Variants in PRKG1 observed in about 807,000 individuals in gnomAD.
The protein encoded by PRKG1 is protein kinase cGMP-dependent 1.
A neutral mutation model predicts 88.1 loss-of-function variants in PRKG1; 35 were observed. The ratio of observed to expected loss-of-function variants is 0.40; its 90% CI spans 0.30 to 0.53. The LOEUF (loss-of-function observed/expected upper bound fraction) is 0.53, where lower values mean the gene tolerates loss of function less well. Ranked by LOEUF, PRKG1 falls within the 20% of genes least tolerant of loss-of-function variation. The pLI is 0.59. For synonymous variants in PRKG1, 303 were observed against 292.5 expected (o/e 1.04, Z -0.37); for missense variants, 540 against 839.8 (o/e 0.64, Z 4.41).
At chr10:51,941,578 A>G (rs955329383) in intron 5 of PRKG1, among the ~76,000 whole-genome samples, 2 of 151,368 alleles carry the variant, frequency 1.3e-5, no homozygotes, top group Non-Finnish European at 2.9e-5. Flanking sequence ...CATTAGGTAT[A>G]TCTCCTAAAT....
chr10:51,022,543 A>G (rs1843152623), intron 1 of PRKG1, among the ~76,000 whole-genome samples: 1 of 152,056 alleles, frequency 6.6e-6, no homozygotes, highest in Non-Finnish European at 1.5e-5. Context: ...GCTTTTCCCA[A>G]AGATGGGAAA....
chr10:51,130,224 A>G (rs1265370646), intron 1 of PRKG1, among the ~76,000 whole-genome samples: 2 of 152,174 alleles, frequency 1.3e-5, no homozygotes, highest in South Asian at 2.1e-4. Flanking sequence ...CTAACAGAGA[A>G]GTTAGAGAAT....
At chr10:51,313,165 A>G (rs1261610830) in intron 2 of PRKG1, among the ~76,000 whole-genome samples, 2 of 152,010 alleles carry the variant, frequency 1.3e-5, no homozygotes, top group Non-Finnish European at 1.5e-5. Flanking sequence ...ATTCTGGATT[A>G]AATTTTAATT....
At chr10:51,338,767 T>A (rs1841936909) in intron 2 of PRKG1, among the ~76,000 whole-genome samples, 1 of 152,218 alleles carries the variant, frequency 6.6e-6, no homozygotes, top group Admixed American at 6.5e-5. Context: ...ATGATTCAAT[T>A]AGATTGTACA....
intron 7 of PRKG1, among the ~76,000 whole-genome samples, chr10:52,113,564 G>A (rs1242853910): frequency 6.6e-6 from 1 of 152,066 alleles, no homozygotes; most frequent in Non-Finnish European, 1.5e-5. Context: ...AGAAAATAGC[G>A]CAGCAGATAT....
chr10:51,470,017 T>C (rs1467377932), intron 3 of PRKG1, among the ~76,000 whole-genome samples: 1 of 151,874 alleles, frequency 6.6e-6, no homozygotes, highest in Non-Finnish European at 1.5e-5. Context: ...TCTAGGGAGA[T>C]TGTACTTGTG....
At chr10:51,161,987 C>G (rs766293810) in intron 2 of PRKG1, among the ~76,000 whole-genome samples, 3 of 152,212 alleles carry the variant, frequency 2.0e-5, no homozygotes, top group Non-Finnish European at 2.9e-5. Flanking sequence ...CTGAACACTT[C>G]ACACAATCTA....
chr10:51,345,659 G>A (rs1157288224), intron 2 of PRKG1, among the ~76,000 whole-genome samples: 1 of 152,188 alleles, frequency 6.6e-6, no homozygotes. Flanking sequence ...AAACAGGCAA[G>A]GAAGGGAAAT....
chr10:51,901,372 A>G (rs1841975002), intron 4 of PRKG1, among the ~76,000 whole-genome samples: 1 of 152,236 alleles, frequency 6.6e-6, no homozygotes, highest in Non-Finnish European at 1.5e-5. Flanking sequence ...AAGCAAAAGT[A>G]CAATTGTGCA....
chr10:51,168,913 G>T (rs534022970), intron 2 of PRKG1, among the ~76,000 whole-genome samples: 144 of 152,084 alleles, frequency 9.5e-4, no homozygotes, highest in Non-Finnish European at 1.8e-3. Context: ...AGTATGAAAG[G>T]TATCCTTGAT....
intron 9 of PRKG1, among the ~76,000 whole-genome samples, chr10:52,163,762 C>T (rs1838349281): frequency 1.3e-5 from 2 of 152,068 alleles, no homozygotes; most frequent in Admixed American, 6.5e-5. Flanking sequence ...CTTGCACATA[C>T]TTCAATTAAA....
chr10:51,214,875 A>C (rs966222211), intron 2 of PRKG1, among the ~76,000 whole-genome samples: 2 of 152,142 alleles, frequency 1.3e-5, no homozygotes. Flanking sequence ...CCTCTGCCCA[A>C]TATCTTTACA....
At chr10:52,224,836 T>TATATATATACACATACATAC (rs1457134141) in intron 9 of PRKG1, among the ~76,000 whole-genome samples, 9 of 89,886 alleles carry the variant, frequency 1.0e-4, no homozygotes, top group African/African-American at 3.3e-4. Context: ...TATATATATA[T>TATATATATACACATACATAC]ATACATACAT....
chr10:52,110,178 C>T (rs1224278595), intron 7 of PRKG1, among the ~76,000 whole-genome samples: 1 of 151,816 alleles, frequency 6.6e-6, no homozygotes, highest in Non-Finnish European at 1.5e-5. Flanking sequence ...GAAACCCCGT[C>T]TCTACTAAAA....
rs941951447 is a variant in PRKG1 at position 51,425,291 on chromosome 10, A to C, written c.479-42432A>C. Reference sequence around the variant, plus strand: ...ATCATTACCCTAATAGATTGTGCTTAATTAAATTGTTCCAGTTGTGAAGAA... The same window carrying C: ...ATCATTACCCTAATAGATTGTGCTTCATTAAATTGTTCCAGTTGTGAAGAA... On this transcript the variant is annotated intron_variant, in intron 2 of 17. Coordinates refer to ENST00000373980, the MANE Select transcript of PRKG1 (RefSeq NM_006258.4). 2.6e-5 allele frequency among the ~76,000 whole-genome samples: 4 copies of C among 152,226 alleles called. No homozygotes were observed. In the East Asian group the frequency reaches 7.7e-4, roughly 29 times the overall value.
chr10:52,204,505 A>G (rs569689404), intron 9 of PRKG1, among the ~76,000 whole-genome samples: 2 of 152,270 alleles, frequency 1.3e-5, no homozygotes, highest in African/African-American at 4.8e-5. Flanking sequence ...AATTGTGAAG[A>G]TTTCATGGAC....
intron 5 of PRKG1, among the ~76,000 whole-genome samples, chr10:51,980,444 A>C (rs4603250): frequency 0.2 from 29,997 of 152,110 alleles, 3,824 homozygotes; most frequent in Non-Finnish European, 0.28. Context: ...GATGAGAAGA[A>C]TGTATAGTCT....
intron 2 of PRKG1, among the ~76,000 whole-genome samples, chr10:51,215,162 G>C (rs1336346616): frequency 2.0e-5 from 3 of 152,098 alleles, no homozygotes; most frequent in African/African-American, 7.2e-5. Flanking sequence ...GGAGGGAAAG[G>C]GTTAGTGTAA....
At chr10:51,683,507 A>C (rs915630517) in intron 3 of PRKG1, among the ~76,000 whole-genome samples, 2 of 152,196 alleles carry the variant, frequency 1.3e-5, no homozygotes, top group Non-Finnish European at 2.9e-5. Flanking sequence ...TTGCAAATCC[A>C]CTGGCAGGGA....
Sources: gnomAD v4.1 joint callset for allele counts (sites outside exome capture counted in the v4.1 genomes callset) on GRCh38, gnomAD v4.1.1 for gene constraint, MANE v1.5 for transcripts, NCBI Gene and HGNC (gene_info 2026-07-23, HGNC 2026-07-21) for gene names.